Variants in MAP2K5 observed in about 807,000 individuals in gnomAD.
MAP2K5 encodes the protein mitogen-activated protein kinase kinase 5, also known as dual specificity mitogen-activated protein kinase kinase 5.
In MAP2K5, 49 loss-of-function variants were observed where a neutral mutation model predicts 83.1. The observed-to-expected ratio is 0.59, with a 90% CI of 0.47 to 0.75. The LOEUF is 0.75. MAP2K5 is among the 30% of genes least tolerant of loss of function. The pLI is 0.00. For missense variants in MAP2K5, 457 were observed against 557.5 expected (o/e 0.82, Z 1.82); for synonymous variants, 202 against 191.8 (o/e 1.05, Z -0.44).
At chr15:67,585,747 C>T (rs2085274881) in intron 4 of MAP2K5, 143 bp from the exon 5 acceptor site, 10 of 662,562 alleles carry the variant, frequency 1.5e-5, no homozygotes, top group Middle Eastern at 2.5e-4. Context: ...TCATAATTCC[C>T]ACTTTGGGTC....
intron 3 of MAP2K5, among the ~76,000 whole-genome samples, chr15:67,575,289 A>G (rs552087477): frequency 6.6e-6 from 1 of 152,190 alleles, no homozygotes; most frequent in East Asian, 1.9e-4. Context: ...TCCTGCATTT[A>G]AAGGAGAGAT....
chr15:67,681,336 G>T lies in MAP2K5; in HGVS notation c.848-11143G>T, dbSNP rs570281278. On this transcript the variant is annotated intron_variant, in intron 13 of 21. Coordinates refer to ENST00000178640, the MANE Select transcript of MAP2K5 (RefSeq NM_145160.3). The stretch of plus-strand genomic sequence containing the variant: ...AAATTGTGTGCTCAACACTGAGCAT[G>T]TGAGTGTTGTGAGTACACACACCCA... Among the ~76,000 whole-genome samples the T allele has an allele frequency of 1.2e-4, 18 of 152,348 alleles. 1 individual carries two copies. Among genetic ancestry groups the T allele is most frequent in the Non-Finnish European group, 8.8e-5 (6 of 68,036 alleles).
chr15:67,565,528 TGTC>T lies in MAP2K5; in HGVS notation c.252+2179_252+2181del, dbSNP rs961799846. Among the ~76,000 whole-genome samples, 27 of 151,640 alleles carry T rather than the reference TGTC, an allele frequency of 1.8e-4. No individual in the cohort carries two copies. The highest frequency in any genetic ancestry group is 1.5e-3 in the Admixed American group (23 of 15,234). ...CAGGCATGAGCCACTGTGCCCGGCCTGTCATCATCATTATTAAATTCTGAATAA... is the reference window on the plus strand; with the variant it reads ...CAGGCATGAGCCACTGTGCCCGGCCTATCATCATTATTAAATTCTGAATAA... On this transcript the variant is annotated intron_variant, in intron 3 of 21. Coordinates refer to ENST00000178640, the MANE Select transcript of MAP2K5 (RefSeq NM_145160.3). The surrounding 1 kb of genome is among the most constrained non-coding windows in gnomAD (Gnocchi z 4.1).
At chr15:67,553,899 G>A (rs1434334667) in intron 2 of MAP2K5, among the ~76,000 whole-genome samples, 4 of 105,758 alleles carry the variant, frequency 3.8e-5, no homozygotes, top group Admixed American at 1.5e-4. Context: ...CGGCCTGGGC[G>A]ACAGAGCGAG....
At position 67,543,796 on chromosome 15, in the gene MAP2K5, C is replaced by T. The variant is rs577318626; in HGVS notation, c.135+326C>T. ...AGAGGTTTTTTCCCCCCAAGTGTTT[C>T]GGGGAATGTCCTTGGACAGATTCCA... On this transcript the variant is annotated intron_variant, in intron 1 of 21. Transcript: ENST00000178640. The surrounding 1 kb of genome is among the most constrained non-coding windows in gnomAD (Gnocchi z 4.3). Among the ~76,000 whole-genome samples, 4 of 152,282 alleles carry T rather than the reference C, an allele frequency of 2.6e-5. No homozygotes were observed. The highest frequency in any genetic ancestry group is 4.1e-4 in the South Asian group (2 of 4,830).
intron 19 of MAP2K5, among the ~76,000 whole-genome samples, chr15:67,751,357 A>C (rs2089714365): frequency 6.6e-6 from 1 of 152,210 alleles, no homozygotes; most frequent in African/African-American, 2.4e-5. Context: ...TGGCTAGCTC[A>C]GGTATAAGTG....
At position 67,594,371 on chromosome 15, in the gene MAP2K5, C is replaced by G. The variant is rs536349471; in HGVS notation, c.480+1397C>G. 2.0e-5 allele frequency among the ~76,000 whole-genome samples: 3 copies of G among 152,206 alleles called. No individual in the cohort carries two copies. The South Asian group carries it at 6.2e-4, about 32-fold the overall frequency. On this transcript the variant is annotated intron_variant, in intron 7 of 21. Coordinates refer to ENST00000178640, the MANE Select transcript of MAP2K5 (RefSeq NM_145160.3). Reference sequence around the variant, plus strand: ...AGGATATTTATGTATCTTCAACATGCTTGCATTCTAGTTACTAATTGTAAT... The same window carrying G: ...AGGATATTTATGTATCTTCAACATGGTTGCATTCTAGTTACTAATTGTAAT...
chr15:67,716,821 T>A (rs1315244900), intron 16 of MAP2K5, among the ~76,000 whole-genome samples: 2 of 152,216 alleles, frequency 1.3e-5, no homozygotes, highest in African/African-American at 4.8e-5. Flanking sequence ...CACTTTTTTT[T>A]AATGTAACAC....
rs117889772 is a variant in MAP2K5 at position 67,757,587 on chromosome 15, C to T, written c.1134+8986C>T. The stretch of plus-strand genomic sequence containing the variant: ...CTGTGTTAATCCCAGAGCTCGGTAC[C>T]GGGGATAGAGAATGAATAAGATGCT... On this transcript the variant is annotated intron_variant, in intron 19 of 21. Transcript: ENST00000178640. This position sits in a 1 kb window ranked among gnomAD's most constrained non-coding sequence, Gnocchi z 4.9. Among the ~76,000 whole-genome samples the T allele has an allele frequency of 0.011, 1,724 of 152,052 alleles. 18 individuals carry two copies. Among genetic ancestry groups the T allele is most frequent in the Non-Finnish European group, 0.015 (1,033 of 67,998 alleles).
In MAP2K5 at chr15:67,696,491, G is replaced by A. The variant is rs1392320000; in HGVS notation, c.972+2923G>A. 2.6e-5 allele frequency among the ~76,000 whole-genome samples: 4 copies of A among 152,300 alleles called. No homozygotes were observed. The East Asian group carries it at 7.7e-4, about 29-fold the overall frequency. On this transcript the variant is annotated intron_variant, in intron 15 of 21. Coordinates refer to ENST00000178640, the MANE Select transcript of MAP2K5 (RefSeq NM_145160.3). ...GTTTGCCAGCCCCTGATCTATGCCA[G>A]TGAAAGTTGTATCTGAAACTGAGCA... is the stretch of plus-strand genomic sequence containing the variant.
chr15:67,659,459 A>G (rs1031946333), intron 12 of MAP2K5: 1 of 152,156 alleles, frequency 6.6e-6, no homozygotes, highest in African/African-American at 2.4e-5. Context: ...ATTGTAATTC[A>G]CAGCTTTCCT....
intron 8 of MAP2K5, among the ~76,000 whole-genome samples, chr15:67,629,813 T>C (rs2086423686): frequency 6.6e-6 from 1 of 152,230 alleles, no homozygotes; most frequent in Non-Finnish European, 1.5e-5. Context: ...TTTTATGGGC[T>C]TGCAATAACA....
rs1297733770 is a variant in MAP2K5, at chr15:67,692,553, G to A, written c.921+1G>A. On this transcript the variant is annotated splice_donor_variant, in intron 14 of 21. Transcript: ENST00000178640. LOFTEE classifies it high-confidence loss of function. ...GTGTGATTTTGGAGTTAGCACTCAG[G>A]TATGTCTCTTTTCCTCCCAGTGTAC... 1 of 1,610,416 alleles carries A rather than the reference G, an allele frequency of 6.2e-7. No individual in the cohort carries two copies. The highest frequency in any genetic ancestry group is 1.7e-5 in the Admixed American group (1 of 59,944).
In MAP2K5 at chr15:67,676,946, T is replaced by C. The variant is rs1226871993; in HGVS notation, c.847+12301T>C. Among the ~76,000 whole-genome samples the C allele has an allele frequency of 6.6e-6, 1 of 152,220 alleles. No homozygotes were observed. Among genetic ancestry groups the C allele is most frequent in the East Asian group, 1.9e-4 (1 of 5,198 alleles). ...GGTCAGCTTCTTAACTTCTTTGAGG[T>C]CATAGCATTGTACCTGGCATATAAC... On this transcript the variant is annotated intron_variant, in intron 13 of 21. Transcript: ENST00000178640. The surrounding 1 kb of genome is among the most constrained non-coding windows in gnomAD (Gnocchi z 4.8).
chr15:67,683,958 A>G (rs2087885540), intron 13 of MAP2K5, among the ~76,000 whole-genome samples: 1 of 152,226 alleles, frequency 6.6e-6, no homozygotes, highest in African/African-American at 2.4e-5. Context: ...AAGTCCTACT[A>G]TCACCCAAGC....
At chr15:67,687,332 T>G (rs184331112) in intron 13 of MAP2K5, among the ~76,000 whole-genome samples, 2 of 152,288 alleles carry the variant, frequency 1.3e-5, no homozygotes, top group Non-Finnish European at 2.9e-5. Flanking sequence ...ACAGCCAAGC[T>G]TAGGAGCTAT....
intron 14 of MAP2K5, 66 bp from the exon 15 acceptor site, chr15:67,693,452 G>A (rs2088166383): frequency 5.7e-6 from 7 of 1,238,770 alleles, no homozygotes; most frequent in South Asian, 2.6e-5. Flanking sequence ...GTTAAATGAG[G>A]AATAATTGCC....
At chr15:67,659,419 C>T (rs564947643) in intron 12 of MAP2K5, 4 of 152,330 alleles carry the variant, frequency 2.6e-5, no homozygotes, top group African/African-American at 4.8e-5. Flanking sequence ...ATTCTTTAAT[C>T]GAACATGGAC....
intron 1 of MAP2K5, among the ~76,000 whole-genome samples, chr15:67,545,819 T>A (rs954213462): frequency 1.3e-5 from 2 of 152,206 alleles, no homozygotes; most frequent in African/African-American, 4.8e-5. Flanking sequence ...CTTGAGTTGA[T>A]ACATGTAAAG....
Sources: gnomAD v4.1 joint callset for allele counts (sites outside exome capture counted in the v4.1 genomes callset) on GRCh38, gnomAD v4.1.1 for gene constraint, Gnocchi (gnomAD v3.1) non-coding constraint, MANE v1.5 for transcripts, NCBI Gene and HGNC (gene_info 2026-07-23, HGNC 2026-07-21) for gene names.